Variants in RBFOX1 observed in about 807,000 individuals in gnomAD.
RBFOX1 encodes RNA binding fox-1 homolog 1.
Under a neutral mutation model 57.7 loss-of-function variants are expected in RBFOX1, and 8 were observed. The ratio of observed to expected loss-of-function variants is 0.14; its 90% confidence interval spans 0.08 to 0.25. RBFOX1 has a LOEUF of 0.25. RBFOX1 is among the 10% of genes least tolerant of loss of function. RBFOX1 has a pLI of 1.00. For missense variants in RBFOX1, 611 were observed against 548.5 expected (o/e 1.11, Z -1.14); for synonymous variants, 326 against 222.4 (o/e 1.47, Z -4.15).
intron 1 of RBFOX1, among the ~76,000 whole-genome samples, chr16:6,284,921 A>C (rs1052356713): frequency 6.6e-6 from 1 of 152,116 alleles, no homozygotes; most frequent in African/African-American, 2.4e-5. Context: ...ATACGCTTCC[A>C]AATGGCTGGC....
Position 6,941,476 on chromosome 16 carries a change from C to T in RBFOX1, c.-15-110581C>T, listed in dbSNP as rs7200893. On this transcript the variant is annotated intron_variant, in intron 3 of 15. Coordinates refer to ENST00000550418, the MANE Select transcript of RBFOX1 (RefSeq NM_018723.4). The stretch of plus-strand genomic sequence containing the variant: ...GTCCTCTAACATACTGTAAAAGTGC[C>T]GTAAACTTTTGATCTATTCTTTCTT... 8.6e-3 allele frequency among the ~76,000 whole-genome samples: 1,309 copies of T among 151,802 alleles called. 10 individuals are homozygous for T. Among genetic ancestry groups the T allele is most frequent in the African/African-American group, 0.028 (1,176 of 41,376 alleles).
chr16:6,816,795 A>G (rs1251787285), intron 3 of RBFOX1, among the ~76,000 whole-genome samples: 1 of 151,612 alleles, frequency 6.6e-6, no homozygotes, highest in Non-Finnish European at 1.5e-5. Flanking sequence ...CCCAGGTTGG[A>G]CTGCAGTGAT....
At chr16:7,374,719 G>A (rs1168731253) in intron 4 of RBFOX1, among the ~76,000 whole-genome samples, 1 of 152,110 alleles carries the variant, frequency 6.6e-6, no homozygotes, top group Non-Finnish European at 1.5e-5. Flanking sequence ...CACGTACTCG[G>A]TCCCCTTCTT....
intron 3 of RBFOX1, among the ~76,000 whole-genome samples, chr16:6,859,184 T>TATATATATAC (rs57442083): frequency 8.1e-5 from 4 of 49,292 alleles, no homozygotes; most frequent in African/African-American, 3.2e-4. Context: ...TGTATATATA[T>TATATATATAC]GTATATATAT....
At chr16:5,942,863 C>T (rs1219149772) in intron 4 of RBFOX1, among the ~76,000 whole-genome samples, 1 of 152,146 alleles carries the variant, frequency 6.6e-6, no homozygotes, top group Non-Finnish European at 1.5e-5. Flanking sequence ...AGGATGGGAG[C>T]TGATCCTTTG....
At chr16:5,297,803 A>G (rs1278653271) in intron 1 of RBFOX1, among the ~76,000 whole-genome samples, 4 of 152,204 alleles carry the variant, frequency 2.6e-5, no homozygotes, top group Non-Finnish European at 5.9e-5. Context: ...TTTGGGCGCT[A>G]CACCGACTTG....
chr16:7,112,758 C>G (rs1002897188), intron 4 of RBFOX1, among the ~76,000 whole-genome samples: 1 of 151,280 alleles, frequency 6.6e-6, no homozygotes, highest in Non-Finnish European at 1.5e-5. Flanking sequence ...TCACAAGACT[C>G]AGGTTTGAGC....
chr16:6,454,317 G>A (rs1005400239), intron 2 of RBFOX1, among the ~76,000 whole-genome samples: 1 of 152,182 alleles, frequency 6.6e-6, no homozygotes, highest in Non-Finnish European at 1.5e-5. Flanking sequence ...AGCACTTTGG[G>A]AGGTCAAGGC....
intron 1 of RBFOX1, among the ~76,000 whole-genome samples, chr16:6,242,109 C>T (rs778146423): frequency 2.0e-5 from 3 of 152,118 alleles, no homozygotes; most frequent in Non-Finnish European, 2.9e-5. Context: ...TGTATCTTTG[C>T]GTAAAATTTC....
At chr16:6,415,002 G>A (rs1306230369) in intron 2 of RBFOX1, among the ~76,000 whole-genome samples, 1 of 152,012 alleles carries the variant, frequency 6.6e-6, no homozygotes, top group Non-Finnish European at 1.5e-5. Context: ...CAGCACTTTG[G>A]AAGGCCAAGA....
At position 6,000,481 on chromosome 16, in the gene RBFOX1, T is replaced by G. The variant is rs528813145; in HGVS notation, c.351+133146T>G. 1.8e-4 allele frequency among the ~76,000 whole-genome samples: 28 copies of G among 152,176 alleles called. No homozygotes were observed. The South Asian group carries it at 5.8e-3, about 32-fold the overall frequency. ...CACATCTGGAGAGTATAAAATTGGA[T>G]CCCGTGCATGCCTGTCTTGTGTCTG... On this transcript the variant is annotated intron_variant, in intron 4 of 19. Coordinates refer to the RBFOX1 transcript ENST00000641259.
chr16:6,212,823 A>T (rs916724160), intron 1 of RBFOX1, among the ~76,000 whole-genome samples: 2 of 152,318 alleles, frequency 1.3e-5, no homozygotes, highest in Admixed American at 6.5e-5. Flanking sequence ...TTTTTCTCCA[A>T]GACATATGTA....
rs189414464 is a variant in RBFOX1, at chr16:7,027,820, G to A, written c.-15-24237G>A. 5.3e-3 allele frequency among the ~76,000 whole-genome samples: 807 copies of A among 151,642 alleles called. 6 individuals are homozygous for A. Among genetic ancestry groups the A allele is most frequent in the African/African-American group, 0.018 (744 of 41,374 alleles). On this transcript the variant is annotated intron_variant, in intron 3 of 15. Transcript: ENST00000550418. Reference sequence around the variant, plus strand: ...AAAGGAAGAAATAAATGAGAAAGAAGGGAAGGAAGGTGGAGGAGGTGGGAG... The same window carrying A: ...AAAGGAAGAAATAAATGAGAAAGAAAGGAAGGAAGGTGGAGGAGGTGGGAG...
intron 3 of RBFOX1, among the ~76,000 whole-genome samples, chr16:6,659,764 C>T (rs1049919414): frequency 2.6e-5 from 4 of 152,100 alleles, no homozygotes; most frequent in South Asian, 2.1e-4. Flanking sequence ...CCTGCCCTTC[C>T]GGGAAGTAGT....
chr16:6,028,395 G>A (rs966517605), intron 1 of RBFOX1, among the ~76,000 whole-genome samples: 2 of 151,772 alleles, frequency 1.3e-5, no homozygotes, highest in East Asian at 1.9e-4. Context: ...CATGATGACC[G>A]GGCATGGTGG....
intron 4 of RBFOX1, among the ~76,000 whole-genome samples, chr16:7,342,090 A>T (rs1603625124): frequency 6.6e-6 from 1 of 152,034 alleles, no homozygotes; most frequent in Non-Finnish European, 1.5e-5. Context: ...TTATTTCCTG[A>T]GGCAGCACAG....
intron 4 of RBFOX1, among the ~76,000 whole-genome samples, chr16:7,459,772 G>T (rs2059207110): frequency 6.6e-6 from 1 of 152,106 alleles, no homozygotes; most frequent in Admixed American, 6.5e-5. Context: ...TATAATAAAT[G>T]TAGTTTTGGG....
At chr16:5,309,617 T>G (rs1057125861) in intron 1 of RBFOX1, among the ~76,000 whole-genome samples, 2 of 152,208 alleles carry the variant, frequency 1.3e-5, no homozygotes, top group Non-Finnish European at 2.9e-5. Context: ...ACGTGAATAG[T>G]GTACATTGTA....
chr16:6,060,415 G>A (rs1219505395), intron 1 of RBFOX1, among the ~76,000 whole-genome samples: 1 of 152,070 alleles, frequency 6.6e-6, no homozygotes, highest in Admixed American at 6.5e-5. Flanking sequence ...TGTTCTAGAA[G>A]GGTTAGCTGT....
Sources: allele counts gnomAD v4.1 joint callset (sites outside exome capture counted in the v4.1 genomes callset), GRCh38; gene constraint gnomAD v4.1.1; transcripts MANE v1.5; gene names NCBI Gene and HGNC (gene_info 2026-07-23, HGNC 2026-07-21).